BAZ2B: variants seen among roughly 807,000 people sequenced by gnomAD.
The protein encoded by BAZ2B is bromodomain adjacent to zinc finger domain 2B, also known as bromodomain adjacent to zinc finger domain protein 2B.
A neutral mutation model predicts 246.0 loss-of-function variants in BAZ2B; 91 were observed. The ratio of observed to expected loss-of-function variants is 0.37; its 90% CI spans 0.31 to 0.44. The LOEUF is 0.44. Ranked by LOEUF, BAZ2B falls within the 20% of genes least tolerant of loss-of-function variation. The pLI, the probability that BAZ2B is intolerant of heterozygous loss-of-function variation, is 1.00. For missense variants in BAZ2B, 2,332 were observed against 2,533.7 expected, an observed-to-expected ratio of 0.92 and a Z score of 1.71; for synonymous variants, 855 against 860.0, an observed-to-expected ratio of 0.99 and a Z score of 0.10.
At chr2:159,395,296 T>C (rs1425897412) in intron 20 of BAZ2B, 1 of 152,530 alleles carries the variant, frequency 6.6e-6, no homozygotes, top group Non-Finnish European at 1.5e-5. Context: ...ATTCTGATTG[T>C]ACTGCAATAA....
At chr2:159,436,160 T>C (rs1286284865) in intron 8 of BAZ2B, among the ~76,000 whole-genome samples, 1 of 152,192 alleles carries the variant, frequency 6.6e-6, no homozygotes, top group African/African-American at 2.4e-5. Context: ...AATCTTTTTT[T>C]ATAGGTAGTA....
the BAZ2B span, among the ~76,000 whole-genome samples, chr2:159,639,261 CCAGA>C: frequency 3.3e-5 from 5 of 152,128 alleles, no homozygotes; most frequent in Non-Finnish European, 7.4e-5. Context: ...TTCATCAAGA[CCAGA>C]CCTGTCCTAC....
the BAZ2B span, among the ~76,000 whole-genome samples, chr2:159,678,999 G>A: frequency 3.9e-5 from 6 of 152,272 alleles, no homozygotes; most frequent in Non-Finnish European, 7.4e-5. Flanking sequence ...TGGGCCGGGC[G>A]CGGTGGCTCA....
intron 16 of BAZ2B, among the ~76,000 whole-genome samples, chr2:159,401,635 T>C (rs892135294): frequency 2.0e-5 from 3 of 152,192 alleles, no homozygotes; most frequent in African/African-American, 7.2e-5. Context: ...CAGGGAATTA[T>C]CTGTAGGACA....
chr2:159,391,108 T>C (rs963361744), intron 20 of BAZ2B, among the ~76,000 whole-genome samples: 3 of 152,164 alleles, frequency 2.0e-5, no homozygotes, highest in Non-Finnish European at 4.4e-5. Flanking sequence ...CTAAGAACTT[T>C]CCAAAGGAGG....
chr2:159,669,884 ATTG>A, the BAZ2B span, among the ~76,000 whole-genome samples: 1 of 152,166 alleles, frequency 6.6e-6, no homozygotes. Flanking sequence ...TAATGTGATT[ATTG>A]TTATCACTGA....
intron 26 of BAZ2B, among the ~76,000 whole-genome samples, chr2:159,374,304 T>A (rs1261415454): frequency 6.6e-6 from 1 of 152,162 alleles, no homozygotes; most frequent in Non-Finnish European, 1.5e-5. Context: ...AAACCTAAGA[T>A]GCTGAAACTG....
At chr2:159,645,434 T>C in the BAZ2B span, among the ~76,000 whole-genome samples, 1 of 152,130 alleles carries the variant, frequency 6.6e-6, no homozygotes, top group African/African-American at 2.4e-5. Flanking sequence ...AGAATGAAAC[T>C]GTTCCACCTC....
At chr2:159,557,634 C>T (rs1252631365) in intron 1 of BAZ2B, among the ~76,000 whole-genome samples, 2 of 152,226 alleles carry the variant, frequency 1.3e-5, no homozygotes, top group Admixed American at 6.5e-5. Context: ...CTTAGAGAGG[C>T]CTTCCTTTAC....
chr2:159,465,595 A>G (rs574054378), intron 3 of BAZ2B, among the ~76,000 whole-genome samples: 3 of 152,296 alleles, frequency 2.0e-5, no homozygotes, highest in Non-Finnish European at 2.9e-5. Context: ...TCATTAAATA[A>G]ACCCCACTGC....
chr2:159,549,987 C>A (rs765116069), intron 2 of BAZ2B, among the ~76,000 whole-genome samples: 4 of 151,848 alleles, frequency 2.6e-5, no homozygotes, highest in Non-Finnish European at 5.9e-5. Flanking sequence ...CCACGCCTGG[C>A]GAATTTTTGT....
intron 31 of BAZ2B, among the ~76,000 whole-genome samples, chr2:159,339,012 TA>T (rs2066150437): frequency 6.6e-6 from 1 of 152,108 alleles, no homozygotes; most frequent in Non-Finnish European, 1.5e-5. Flanking sequence ...TGAGATGCAA[TA>T]GGTATTTAAT....
intron 2 of BAZ2B, among the ~76,000 whole-genome samples, chr2:159,493,893 G>GA (rs1324469030): frequency 6.6e-6 from 1 of 152,126 alleles, no homozygotes; most frequent in Non-Finnish European, 1.5e-5. Context: ...GAACTGAACA[G>GA]AAAAAAAGCA....
chr2:159,636,779 T>A, the BAZ2B span, among the ~76,000 whole-genome samples: 1 of 152,174 alleles, frequency 6.6e-6, no homozygotes, highest in Admixed American at 6.5e-5. Context: ...GCAATGAAAG[T>A]GACCTCCCTC....
intron 27 of BAZ2B, among the ~76,000 whole-genome samples, chr2:159,360,974 G>T (rs554991282): frequency 6.6e-6 from 1 of 152,130 alleles, no homozygotes; most frequent in Non-Finnish European, 1.5e-5. Context: ...AGACTTAAAC[G>T]TCAGACCTAA....
At chr2:159,595,338 G>A (rs1690437263) in intron 1 of BAZ2B, among the ~76,000 whole-genome samples, 1 of 152,070 alleles carries the variant, frequency 6.6e-6, no homozygotes, top group Non-Finnish European at 1.5e-5. Context: ...CTGATCTCAG[G>A]TGATCTGCCC....
intron 31 of BAZ2B, among the ~76,000 whole-genome samples, chr2:159,345,240 G>T (rs1355161141): frequency 6.6e-6 from 1 of 151,620 alleles, no homozygotes; most frequent in Non-Finnish European, 1.5e-5. Flanking sequence ...CAAAATTATT[G>T]GTAGGTAGGA....
intron 30 of BAZ2B, among the ~76,000 whole-genome samples, chr2:159,348,201 TC>T (rs2058164830): frequency 6.6e-6 from 1 of 151,094 alleles, no homozygotes; most frequent in African/African-American, 2.4e-5. Flanking sequence ...GTGCCTGTAG[TC>T]CCAGCTACTC....
At chr2:159,506,035 G>A (rs1009065321) in intron 2 of BAZ2B, among the ~76,000 whole-genome samples, 1 of 152,194 alleles carries the variant, frequency 6.6e-6, no homozygotes. Context: ...AACAATGACA[G>A]AGAATCTGAA....
Sources: allele counts gnomAD v4.1 joint callset (sites outside exome capture counted in the v4.1 genomes callset), GRCh38; gene constraint gnomAD v4.1.1; transcripts MANE v1.5; gene names NCBI Gene and HGNC (gene_info 2026-07-23, HGNC 2026-07-21).